The following TBC1D1 variants were observed in gnomAD, a reference collection of about 807,000 sequenced individuals.
The protein encoded by TBC1D1 is TBC1 (tre-2/USP6, BUB2, cdc16) domain family, member 1.
Under a neutral mutation model 125.6 loss-of-function variants are expected in TBC1D1, and 89 were observed. That is an observed-to-expected ratio of 0.71 (90% CI 0.60 to 0.85). The LOEUF is 0.85. Among genes scored for constraint, TBC1D1 ranks in the 40% least tolerant of loss-of-function variants. The pLI is 0.00. For synonymous variants in TBC1D1, 565 were observed against 564.1 expected (o/e 1.00, Z -0.02); for missense variants, 1,377 against 1,469.2 (o/e 0.94, Z 1.03).
In TBC1D1 at chr4:37,974,195, G is replaced by A. The variant is rs377345651; in HGVS notation, c.418-40314G>A. Reference sequence around the variant, plus strand: ...AGAGAATAGTACTTCCCTAGGATGCGTCTAAGGCCCTTTTCAAGGGTGGCC... The same window carrying A: ...AGAGAATAGTACTTCCCTAGGATGCATCTAAGGCCCTTTTCAAGGGTGGCC... On this transcript the variant is annotated intron_variant, in intron 2 of 19. Transcript: ENST00000261439. Among the ~76,000 whole-genome samples, 13 of 152,246 alleles carry A rather than the reference G, an allele frequency of 8.5e-5. No homozygotes were observed. The South Asian group carries it at 1.7e-3, about 19-fold the overall frequency.
intron 12 of TBC1D1, among the ~76,000 whole-genome samples, chr4:38,058,207 A>G (rs17425691): frequency 0.043 from 6,480 of 152,248 alleles, 192 homozygotes; most frequent in Middle Eastern, 0.088. Flanking sequence ...GAGAGGACAA[A>G]TCAGGCATCT....
chr4:37,915,886 T>C (rs1320990177), intron 2 of TBC1D1, among the ~76,000 whole-genome samples: 1 of 152,230 alleles, frequency 6.6e-6, no homozygotes, highest in African/African-American at 2.4e-5. Context: ...CTCTCAGCTC[T>C]TTGGAATCTG....
intron 15 of TBC1D1, among the ~76,000 whole-genome samples, chr4:38,109,623 T>TG (rs1761908540): frequency 6.6e-6 from 1 of 152,162 alleles, no homozygotes; most frequent in Non-Finnish European, 1.5e-5. Flanking sequence ...ACAGAGCCAG[T>TG]GGGAGTCAAC....
At chr4:37,900,999 G>A (rs915044116) in intron 1 of TBC1D1, among the ~76,000 whole-genome samples, 1 of 151,698 alleles carries the variant, frequency 6.6e-6, no homozygotes, top group Admixed American at 6.6e-5. Context: ...TTGAACCCAG[G>A]GGGTGGAGGT....
chr4:37,956,004 A>G (rs1728864889), intron 2 of TBC1D1, among the ~76,000 whole-genome samples: 1 of 150,410 alleles, frequency 6.6e-6, no homozygotes, highest in Non-Finnish European at 1.5e-5. Context: ...ATCTTCCCCC[A>G]AAATACATAT....
chr4:38,030,567 A>G (rs1478162139), intron 7 of TBC1D1: 1 of 152,208 alleles, frequency 6.6e-6, no homozygotes, highest in Non-Finnish European at 1.5e-5. Flanking sequence ...TCTTGGTTTT[A>G]TAAAACATTT....
At chr4:37,957,621 TA>T (rs1009428344) in intron 2 of TBC1D1, among the ~76,000 whole-genome samples, 67 of 152,156 alleles carry the variant, frequency 4.4e-4, no homozygotes, top group African/African-American at 1.5e-3. Flanking sequence ...ATAATAAAAA[TA>T]AAAACAAATA....
intron 12 of TBC1D1, among the ~76,000 whole-genome samples, chr4:38,066,940 A>G (rs1753843930): frequency 6.6e-6 from 1 of 151,822 alleles, no homozygotes; most frequent in Non-Finnish European, 1.5e-5. Context: ...GCAGTGGTGC[A>G]ATCTTGGCTC....
intron 12 of TBC1D1, among the ~76,000 whole-genome samples, chr4:38,070,373 G>A (rs758489069): frequency 4.6e-5 from 7 of 152,208 alleles, no homozygotes; most frequent in African/African-American, 9.6e-5. Flanking sequence ...TCCAGGTGTC[G>A]CTGGAAGAGG....
rs188329729 is a variant in TBC1D1, at chr4:37,973,362, G to A, written c.418-41147G>A. On this transcript the variant is annotated intron_variant, in intron 2 of 19. Coordinates refer to ENST00000261439, the MANE Select transcript of TBC1D1 (RefSeq NM_015173.4). ...ATTTCACCTGCCTGCATACGTTCCC[G>A]CTGTTAACTGTTACATTGAGGATTT... Among the ~76,000 whole-genome samples, 65 of 152,274 alleles carry A rather than the reference G, an allele frequency of 4.3e-4. No homozygotes were observed. The East Asian group carries it at 0.01, about 24-fold the overall frequency.
chr4:38,065,893 G>A (rs749041318), intron 12 of TBC1D1, among the ~76,000 whole-genome samples: 10 of 152,066 alleles, frequency 6.6e-5, no homozygotes, highest in Middle Eastern at 3.4e-3. Flanking sequence ...CAGGTGATCC[G>A]CCCACCTCGG....
chr4:38,014,894 A>T lies in TBC1D1; in HGVS notation c.803A>T (p.Asp268Val). 1 of 1,603,322 alleles carries T rather than the reference A, an allele frequency of 6.2e-7. No homozygotes were observed. The highest frequency in any genetic ancestry group is 8.5e-7 in the Non-Finnish European group (1 of 1,172,084). ...TTCTTCAGCTCCTTCGAGGAGAGCG[A>T]CATTGAGAACCACCTCATTAGCGGA... is the stretch of plus-strand genomic sequence containing the variant. Residue 268 changes from aspartate to valine, a missense_variant, in exon 3 of 20, where the codon GAC (aspartate) becomes GTC (valine). Physicochemically the swap from Asp to Val is radical, Grantham distance 152. Around this residue, in one of 3 missense-constraint regions of TBC1D1, gnomAD observed 822 missense variants for 824.6 expected, o/e 1.00. Coordinates refer to ENST00000261439, the MANE Select transcript of TBC1D1 (RefSeq NM_015173.4). This position sits in a 1 kb window ranked among gnomAD's most constrained non-coding sequence, Gnocchi z 5.1.
In TBC1D1 at chr4:37,977,355, C is replaced by CCCGCCG. The variant is rs560011151; in HGVS notation, c.418-37135_418-37130dup. The CCCGCCG allele has an allele frequency of 2.7e-4, 67 of 251,780 alleles. 2 individuals are homozygous for CCCGCCG. Among genetic ancestry groups the CCCGCCG allele is most frequent in the Middle Eastern group, 4.2e-3 (2 of 474 alleles). The allele number at this position is 251,780 out of a possible 1,614,324, so 15.6% of individuals were successfully genotyped here. Reference sequence around the variant, plus strand: ...CGGGGCAGTGACGAACTGGGTGGAGCCCGCCGCCGCCGCCGCCGCCGCCGG... The same window carrying CCCGCCG: ...CGGGGCAGTGACGAACTGGGTGGAGCCCGCCGCCGCCGCCGCCGCCGCCGCCGCCGG... On this transcript the variant is annotated intron_variant, in intron 2 of 19. Transcript: ENST00000261439. The surrounding 1 kb of genome is among the most constrained non-coding windows in gnomAD (Gnocchi z 4.3).
chr4:37,953,555 T>C (rs1728312575), intron 2 of TBC1D1, among the ~76,000 whole-genome samples: 1 of 152,234 alleles, frequency 6.6e-6, no homozygotes, highest in African/African-American at 2.4e-5. Context: ...ATTTTGTCTA[T>C]TAAATATGTC....
intron 2 of TBC1D1, among the ~76,000 whole-genome samples, chr4:37,945,380 G>T (rs1726463278): frequency 6.6e-6 from 1 of 151,650 alleles, no homozygotes; most frequent in African/African-American, 2.4e-5. Flanking sequence ...GAACATGGTG[G>T]TGCACACCTG....
At chr4:38,112,596 A>G (rs1197317642) in intron 15 of TBC1D1, among the ~76,000 whole-genome samples, 1 of 152,248 alleles carries the variant, frequency 6.6e-6, no homozygotes, top group East Asian at 1.9e-4. Flanking sequence ...TAGGTAGTCC[A>G]TTCTGAGCTT....
intron 12 of TBC1D1, among the ~76,000 whole-genome samples, chr4:38,073,138 C>T (rs756471805): frequency 3.3e-5 from 5 of 152,124 alleles, no homozygotes; most frequent in African/African-American, 4.8e-5. Flanking sequence ...GGATATGTAC[C>T]CAGAAGTGGG....
intron 14 of TBC1D1, among the ~76,000 whole-genome samples, chr4:38,097,884 A>T (rs1759641748): frequency 6.6e-6 from 1 of 152,226 alleles, no homozygotes; most frequent in Non-Finnish European, 1.5e-5. Context: ...CATCAATTTT[A>T]GTAATCATGG....
At chr4:37,990,041 G>T (rs1222586952) in intron 2 of TBC1D1, among the ~76,000 whole-genome samples, 2 of 152,240 alleles carry the variant, frequency 1.3e-5, no homozygotes, top group East Asian at 3.8e-4. Context: ...TAGCCAAGTG[G>T]TATTTTGCGG....
Sources: gnomAD v4.1 joint callset for allele counts (sites outside exome capture counted in the v4.1 genomes callset) on GRCh38, gnomAD v4.1.1 for gene constraint, gnomAD v4.1.1 regional missense constraint, Gnocchi (gnomAD v3.1) non-coding constraint, MANE v1.5 for transcripts, NCBI Gene and HGNC (gene_info 2026-07-23, HGNC 2026-07-21) for gene names.